Variants in BTBD7 observed in about 807,000 individuals in gnomAD.
The protein encoded by BTBD7 is BTB/POZ domain-containing protein 7.
A neutral mutation model predicts 99.9 loss-of-function variants in BTBD7; 38 were observed. The ratio of observed to expected loss-of-function variants is 0.38; its 90% CI spans 0.29 to 0.50. BTBD7 has a LOEUF of 0.50. Ranked by LOEUF, BTBD7 falls within the 20% of genes least tolerant of loss-of-function variation. The pLI is 0.93. For synonymous variants in BTBD7, 520 were observed against 511.4 expected (o/e 1.02, Z -0.23); for missense variants, 1,170 against 1,394.6 (o/e 0.84, Z 2.57).
chr14:93,245,837 A>G lies in BTBD7; in HGVS notation c.2571T>C (p.Ser857=). 1 of 1,612,226 alleles carries G rather than the reference A, an allele frequency of 6.2e-7. No individual in the cohort carries two copies. The highest frequency in any genetic ancestry group is 8.5e-7 in the Non-Finnish European group (1 of 1,178,896). ...AGTGTTGACTTACCACTTGCTTCTC[A>G]GATGCTGCTGCTGCTGCTGCTGTTG... ...STATAAAAAA[S]EKQVRTQPVL... The change falls in exon 10 of 11, where the codon TCT becomes TCC. Residue 857 remains serine, a synonymous_variant. Transcript: ENST00000334746.
chr14:93,323,190 T>C (rs1300660359), intron 1 of BTBD7, among the ~76,000 whole-genome samples: 2 of 152,086 alleles, frequency 1.3e-5, no homozygotes, highest in Non-Finnish European at 2.9e-5. Flanking sequence ...TGAGGATCGC[T>C]TGAGCCCAGG....
At chr14:93,255,006 A>G (rs890315448) in intron 6 of BTBD7, among the ~76,000 whole-genome samples, 2 of 152,236 alleles carry the variant, frequency 1.3e-5, no homozygotes, top group African/African-American at 4.8e-5. Context: ...TACTCTCATT[A>G]AATATAATCA....
At chr14:93,245,573 C>A (rs1228482250) in intron 10 of BTBD7, among the ~76,000 whole-genome samples, 1 of 152,202 alleles carries the variant, frequency 6.6e-6, no homozygotes, top group Admixed American at 6.5e-5. Flanking sequence ...CCTAATCCTG[C>A]CAAATGAACA....
At chr14:93,249,337 A>G (rs1384772649) in intron 8 of BTBD7, among the ~76,000 whole-genome samples, 1 of 151,082 alleles carries the variant, frequency 6.6e-6, no homozygotes, top group Non-Finnish European at 1.5e-5. Context: ...ATGCTGAGAC[A>G]GCCTGGCAGA....
chr14:93,257,024 T>A, intron 6 of BTBD7, 171 bp downstream of exon 6: 1 of 634,620 alleles, frequency 1.6e-6, no homozygotes, highest in East Asian at 2.8e-5. Flanking sequence ...AACTGTATTA[T>A]GTGGAAGACA....
intron 3 of BTBD7, among the ~76,000 whole-genome samples, chr14:93,292,051 G>A (rs1233341901): frequency 3.9e-5 from 6 of 152,116 alleles, no homozygotes; most frequent in Non-Finnish European, 8.8e-5. Context: ...GCTGGGCATG[G>A]TGGCAGGAGC....
intron 3 of BTBD7, among the ~76,000 whole-genome samples, chr14:93,269,820 T>G (rs142193876): frequency 6.6e-6 from 1 of 152,272 alleles, no homozygotes; most frequent in East Asian, 1.9e-4. Flanking sequence ...TGGGCTTGCC[T>G]TCTTCCCTCC....
rs2052896756 is a variant in BTBD7 at position 93,294,325 on chromosome 14, G to C, written c.695C>G (p.Ser232Cys). 1 of 1,613,990 alleles carries C rather than the reference G, an allele frequency of 6.2e-7. No individual in the cohort carries two copies. Among genetic ancestry groups the C allele is most frequent in the Admixed American group, 1.7e-5 (1 of 60,002 alleles). The change falls in exon 3 of 11, where the codon TCC becomes TGC. Residue 232 changes from serine to cysteine, a missense_variant. Physicochemically the swap from Ser to Cys is moderately radical, Grantham distance 112. Around this residue, in one of 4 missense-constraint regions of BTBD7, gnomAD observed 359 missense variants for 497.9 expected, o/e 0.72. Transcript: ENST00000334746. ...QLSEEFGTPN[S>C]LDVDMRGLFD... ...GAGTCCACGCATATCTACATCAAGG[G>C]AATTTGGTGTTCCAAATTCTTCACT...
Position 93,246,151 on chromosome 14 carries a change from C to T in BTBD7, c.2257G>A (p.Ala753Thr). 2 of 1,613,812 alleles carry T rather than the reference C, an allele frequency of 1.2e-6. No individual in the cohort carries two copies. The highest frequency in any genetic ancestry group is 8.5e-7 in the Non-Finnish European group (1 of 1,179,898). The part of the protein sequence containing the change: ...TMFTDLDSFV[A>T]FHPPLPPPPP... ...GGAGGGGGCAAGGGTGGATGGAAGG[C>T]CACAAAAGAGTCCAGATCTGTAAAC... Residue 753 changes from alanine (A) to threonine (T), a missense_variant, in exon 10 of 11, where the codon GCC (alanine) becomes ACC (threonine). Ala to Thr is a moderately conservative substitution (Grantham distance 58, BLOSUM62 0). Transcript: ENST00000334746.
chr14:93,286,454 T>A (rs1376199323), intron 3 of BTBD7, among the ~76,000 whole-genome samples: 1 of 152,210 alleles, frequency 6.6e-6, no homozygotes, highest in African/African-American at 2.4e-5. Context: ...GCTTTAAACC[T>A]CCTAGCTGAG....
At chr14:93,312,250 G>A (rs925893472) in intron 1 of BTBD7, among the ~76,000 whole-genome samples, 2 of 151,946 alleles carry the variant, frequency 1.3e-5, no homozygotes, top group African/African-American at 4.8e-5. Context: ...CCACATTCTT[G>A]ATAATTAAAC....
chr14:93,271,991 G>T (rs2052606078), intron 3 of BTBD7, among the ~76,000 whole-genome samples: 1 of 151,286 alleles, frequency 6.6e-6, no homozygotes, highest in South Asian at 2.1e-4. Flanking sequence ...AATGACAGAT[G>T]AGACCCTGTC....
At chr14:93,317,427 T>A (rs1284787199) in intron 1 of BTBD7, among the ~76,000 whole-genome samples, 1 of 151,690 alleles carries the variant, frequency 6.6e-6, no homozygotes, top group Non-Finnish European at 1.5e-5. Context: ...CAGTGGTTAA[T>A]CCTAAGTGCA....
intron 1 of BTBD7, among the ~76,000 whole-genome samples, chr14:93,322,842 T>A (rs1186287461): frequency 6.6e-6 from 1 of 152,212 alleles, no homozygotes; most frequent in Admixed American, 6.5e-5. Flanking sequence ...GGCTGGGTGA[T>A]GTGGCTCATG....
chr14:93,322,274 TGGC>T (rs981857551), intron 1 of BTBD7, among the ~76,000 whole-genome samples: 10 of 152,014 alleles, frequency 6.6e-5, no homozygotes, highest in African/African-American at 2.4e-4. Context: ...CCACCATACC[TGGC>T]TAATTTTTAA....
At chr14:93,277,404 A>G (rs578120071) in intron 3 of BTBD7, among the ~76,000 whole-genome samples, 2 of 152,300 alleles carry the variant, frequency 1.3e-5, no homozygotes, top group South Asian at 4.1e-4. Flanking sequence ...CTCTACTGTA[A>G]TGCAGGGGGA....
chr14:93,245,082 G>C (rs1281752079), intron 10 of BTBD7, among the ~76,000 whole-genome samples: 1 of 149,886 alleles, frequency 6.7e-6, no homozygotes, highest in East Asian at 2.0e-4. Flanking sequence ...GGCTGGGTCT[G>C]AATTTCTGGG....
chr14:93,271,357 T>G (rs2052598912), intron 3 of BTBD7, among the ~76,000 whole-genome samples: 1 of 151,152 alleles, frequency 6.6e-6, no homozygotes. Flanking sequence ...GAGGTCGGGG[T>G]GGAAAGAGGA....
chr14:93,253,977 G>T (rs191316651), intron 6 of BTBD7, among the ~76,000 whole-genome samples, 187 bp from the exon 7 acceptor site: 1 of 149,480 alleles, frequency 6.7e-6, no homozygotes, highest in Admixed American at 6.7e-5. Flanking sequence ...TCTCACTGTC[G>T]CCCCGGCTGG....
Sources: allele counts gnomAD v4.1 joint callset (sites outside exome capture counted in the v4.1 genomes callset), GRCh38; gene constraint gnomAD v4.1.1; regional missense constraint gnomAD v4.1.1; transcripts MANE v1.5; gene names NCBI Gene and HGNC (gene_info 2026-07-23, HGNC 2026-07-21).